Variants in ADARB2 observed in about 807,000 individuals in gnomAD.
ADARB2 encodes the protein inactive double-stranded RNA-specific editase B2.
ADARB2 carries 25 observed loss-of-function variants against 62.2 expected under a neutral mutation model. The observed-to-expected ratio is 0.40, with a 90% CI of 0.29 to 0.56. ADARB2 has a LOEUF of 0.56. Ranked by LOEUF, ADARB2 falls within the 20% of genes least tolerant of loss-of-function variation. ADARB2 has a pLI of 0.43. For missense variants in ADARB2, 1,071 were observed against 1,077.4 expected (o/e 0.99, Z 0.08); for synonymous variants, 572 against 500.8 (o/e 1.14, Z -1.90).
chr10:1,661,587 G>A (rs896383052), intron 1 of ADARB2, among the ~76,000 whole-genome samples: 8 of 152,182 alleles, frequency 5.3e-5, no homozygotes, highest in Non-Finnish European at 1.2e-4. Context: ...AGCAGAGGGT[G>A]GGCTTTAGCC....
intron 1 of ADARB2, among the ~76,000 whole-genome samples, chr10:1,389,830 AG>A (rs1226374273): frequency 6.6e-6 from 1 of 152,102 alleles, no homozygotes; most frequent in African/African-American, 2.4e-5. Flanking sequence ...TTTACATGTC[AG>A]TAACCATGTG....
intron 1 of ADARB2, among the ~76,000 whole-genome samples, chr10:1,415,086 G>T (rs1265490328): frequency 1.3e-5 from 2 of 151,472 alleles, no homozygotes; most frequent in Admixed American, 1.3e-4. Context: ...GATGGATGGT[G>T]GACCAATGGA....
intron 1 of ADARB2, among the ~76,000 whole-genome samples, chr10:1,651,355 C>T (rs909260369): frequency 7.6e-4 from 116 of 152,354 alleles, no homozygotes; most frequent in Non-Finnish European, 1.6e-3. Flanking sequence ...CCTGGCGAGC[C>T]CCAGGGGGTG....
rs537624944 is a variant in ADARB2, at chr10:1,437,888, A to G, written c.101-58728T>C. Reference sequence around the variant, plus strand: ...AAACAGGAGCAGAATAACTCCAGTTAAGCTGAGCAGATCTGCTATCTTTAA... The same window carrying G: ...AAACAGGAGCAGAATAACTCCAGTTGAGCTGAGCAGATCTGCTATCTTTAA... On this transcript the variant is annotated intron_variant, in intron 1 of 9. Coordinates refer to ENST00000381312, the MANE Select transcript of ADARB2 (RefSeq NM_018702.4). Among the ~76,000 whole-genome samples the G allele has an allele frequency of 1.1e-4, 16 of 152,218 alleles. No homozygotes were observed. The South Asian group carries it at 2.7e-3, about 26-fold the overall frequency.
In ADARB2 at chr10:1,363,019, GC is replaced by G; in HGVS notation, c.1077+8del. 1.5e-6 allele frequency: 2 copies of G among 1,354,408 alleles called. No homozygotes were observed. Among genetic ancestry groups the G allele is most frequent in the Admixed American group, 3.1e-5 (1 of 31,986 alleles). The allele number at this position is 1,354,408 out of a possible 1,614,324, so 83.9% of individuals were successfully genotyped here. On this transcript the variant is annotated splice_region_variant and intron_variant, in intron 3 of 9. Transcript: ENST00000381312. ...CGCCCGTTCCCCCTGCACCCGCCGC[GC>G]CCCTCACCTGCGGCATTGGCGTCCT...
intron 1 of ADARB2, among the ~76,000 whole-genome samples, chr10:1,718,645 G>A (rs1417494619): frequency 2.0e-5 from 3 of 152,200 alleles, no homozygotes; most frequent in Non-Finnish European, 2.9e-5. Flanking sequence ...ACACGGCTCT[G>A]AGCATCCCTA....
intron 1 of ADARB2, among the ~76,000 whole-genome samples, chr10:1,467,286 G>A (rs535974686): frequency 9.7e-4 from 148 of 152,290 alleles, no homozygotes; most frequent in African/African-American, 3.3e-3. Flanking sequence ...AAAAGGCATC[G>A]CTGTTCTTCA....
At chr10:1,226,321 T>C (rs1237935055) in intron 6 of ADARB2, among the ~76,000 whole-genome samples, 2 of 152,240 alleles carry the variant, frequency 1.3e-5, no homozygotes, top group Admixed American at 6.5e-5. Flanking sequence ...TAATTTTTTT[T>C]CAAAACTTTT....
At chr10:1,585,900 G>A (rs1833171641) in intron 1 of ADARB2, among the ~76,000 whole-genome samples, 1 of 152,154 alleles carries the variant, frequency 6.6e-6, no homozygotes, top group South Asian at 2.1e-4. Context: ...TGGGTGGGGT[G>A]GCGGGCGGCT....
rs1231151197 is a variant in ADARB2, at chr10:1,255,176, C to T, written c.1193-12877G>A. 6.6e-6 allele frequency among the ~76,000 whole-genome samples: 1 copy of T among 152,246 alleles called. No individual in the cohort carries two copies. Among genetic ancestry groups the T allele is most frequent in the Non-Finnish European group, 1.5e-5 (1 of 68,032 alleles). ...CATGGGGCCAAAACATGAGGGAGTG[C>T]TTGGATCCAGGAATGTCAGAAATGA... On this transcript the variant is annotated intron_variant, in intron 4 of 9. Transcript: ENST00000381312. The surrounding 1 kb of genome is among the most constrained non-coding windows in gnomAD (Gnocchi z 4.7).
chr10:1,243,279 G>A (rs972804054), intron 4 of ADARB2, among the ~76,000 whole-genome samples: 3 of 152,256 alleles, frequency 2.0e-5, no homozygotes, highest in Non-Finnish European at 2.9e-5. Flanking sequence ...GCACGGAGAC[G>A]CGTTAGCCGC....
intron 1 of ADARB2, among the ~76,000 whole-genome samples, chr10:1,572,666 TAAA>T (rs1011728971): frequency 7.9e-5 from 12 of 151,926 alleles, no homozygotes; most frequent in Non-Finnish European, 1.5e-4. Context: ...AAATAGTAGA[TAAA>T]GAAGAAAATA....
chr10:1,630,716 G>A (rs1451178755), intron 1 of ADARB2, among the ~76,000 whole-genome samples: 1 of 152,144 alleles, frequency 6.6e-6, no homozygotes, highest in African/African-American at 2.4e-5. Flanking sequence ...GAACACTTTG[G>A]GAGGCCGAGG....
intron 1 of ADARB2, among the ~76,000 whole-genome samples, chr10:1,695,225 G>A (rs753936872): frequency 6.6e-6 from 1 of 152,172 alleles, no homozygotes; most frequent in African/African-American, 2.4e-5. Flanking sequence ...ATGGTGAAGT[G>A]AGGATACTCT....
At chr10:1,676,014 G>A (rs998300009) in intron 1 of ADARB2, 2 of 985,298 alleles carry the variant, frequency 2.0e-6, no homozygotes, top group Non-Finnish European at 1.2e-6. Flanking sequence ...TTGGTAAGAG[G>A]CTGTGAGTCA....
At chr10:1,521,447 C>T (rs1832073293) in intron 1 of ADARB2, among the ~76,000 whole-genome samples, 1 of 152,212 alleles carries the variant, frequency 6.6e-6, no homozygotes, top group Non-Finnish European at 1.5e-5. Context: ...TCTGAATGCA[C>T]TTCCTCCCCA....
intron 1 of ADARB2, among the ~76,000 whole-genome samples, chr10:1,677,636 C>T (rs967892249): frequency 6.6e-6 from 1 of 152,144 alleles, no homozygotes; most frequent in South Asian, 2.1e-4. Context: ...CTCAAGAAGG[C>T]GGCTGTCTAC....
intron 7 of ADARB2, among the ~76,000 whole-genome samples, chr10:1,201,872 C>T (rs7905997): frequency 0.014 from 1,451 of 100,532 alleles, 14 homozygotes; most frequent in Non-Finnish European, 0.019. Context: ...CATTCCACAG[C>T]GTGTCTGCCT....
intron 1 of ADARB2, among the ~76,000 whole-genome samples, chr10:1,438,870 T>C (rs1830867636): frequency 1.2e-5 from 1 of 82,734 alleles, no homozygotes. Context: ...TCCCCCAGGA[T>C]GGAGGCAGGT....
Sources: allele counts gnomAD v4.1 joint callset (sites outside exome capture counted in the v4.1 genomes callset), GRCh38; gene constraint gnomAD v4.1.1; non-coding constraint Gnocchi (gnomAD v3.1); transcripts MANE v1.5; gene names NCBI Gene and HGNC (gene_info 2026-07-23, HGNC 2026-07-21).